The following SULF2 variants were observed in gnomAD, a reference collection of about 807,000 sequenced individuals.
SULF2 encodes the protein extracellular sulfatase Sulf-2.
SULF2 carries 52 observed loss-of-function variants against 107.7 expected under a neutral mutation model. The observed-to-expected ratio is 0.48, with a 90% CI of 0.39 to 0.61. The LOEUF (loss-of-function observed/expected upper bound fraction) is 0.61. Ranked by LOEUF, SULF2 falls within the 20% of genes least tolerant of loss-of-function variation. The pLI is 0.00. For missense variants in SULF2, 993 were observed against 1,177.3 expected (o/e 0.84, Z 2.29); for synonymous variants, 460 against 464.3 (o/e 0.99, Z 0.12).
intron 20 of SULF2, 111 bp from the exon 21 acceptor site, chr20:47,658,503 A>C (rs952841841): frequency 1.5e-5 from 18 of 1,191,540 alleles, no homozygotes; most frequent in Non-Finnish European, 2.3e-5. Context: ...CTGAGAATGA[A>C]TATTTCTAGG....
intron 2 of SULF2, 103 bp from the exon 3 acceptor site, chr20:47,737,045 A>G: frequency 6.5e-7 from 1 of 1,536,396 alleles, no homozygotes; most frequent in Non-Finnish European, 8.8e-7. Flanking sequence ...GAGTGGGCAC[A>G]TTCTGCAGAC....
At chr20:47,737,038 T>G (rs1009860446) in intron 2 of SULF2, 96 bp from the exon 3 acceptor site, 1 of 1,558,588 alleles carries the variant, frequency 6.4e-7, no homozygotes, top group Admixed American at 1.7e-5. Flanking sequence ...AGGTCTGGAG[T>G]GGGCACATTC....
chr20:47,737,608 T>A (rs1200330535), intron 2 of SULF2, among the ~76,000 whole-genome samples: 1 of 151,872 alleles, frequency 6.6e-6, no homozygotes, highest in East Asian at 1.9e-4. Context: ...ATCCAACCCA[T>A]CGGCCTAGTA....
At chr20:47,752,995 G>A (rs147150710) in intron 2 of SULF2, among the ~76,000 whole-genome samples, 3,015 of 151,202 alleles carry the variant, frequency 0.02, 98 homozygotes, top group African/African-American at 0.07. Flanking sequence ...CAGCTACTTG[G>A]GAGGCTGAGG....
chr20:47,763,714 C>T (rs368289553), intron 1 of SULF2, among the ~76,000 whole-genome samples: 3 of 152,308 alleles, frequency 2.0e-5, no homozygotes, highest in South Asian at 2.1e-4. Flanking sequence ...TTTACAAATA[C>T]GTATGAAGGA....
At chr20:47,740,737 T>C (rs1210842127) in intron 2 of SULF2, among the ~76,000 whole-genome samples, 2 of 152,174 alleles carry the variant, frequency 1.3e-5, no homozygotes, top group African/African-American at 2.4e-5. Context: ...TGTGAGGGAA[T>C]GATTAGAATT....
rs1012605857 is a variant in SULF2, at chr20:47,738,590, T to C, written c.176-1648A>G. ...GATCTGATGGGAGACAGTTGAATCA[T>C]GGGGGTTGTTTCCCCCATACTGTTC... On this transcript the variant is annotated intron_variant, in intron 2 of 20. Transcript: ENST00000688720. Among the ~76,000 whole-genome samples the C allele has an allele frequency of 3.9e-5, 6 of 152,318 alleles. No individual in the cohort carries two copies. In the East Asian group the frequency reaches 7.7e-4, roughly 20 times the overall value.
intron 5 of SULF2, among the ~76,000 whole-genome samples, chr20:47,687,425 A>C (rs952108701): frequency 1.3e-5 from 2 of 152,214 alleles, no homozygotes; most frequent in Non-Finnish European, 2.9e-5. Context: ...GGCGTGAAGA[A>C]GACCATCCCC....
At chr20:47,697,019 C>T (rs563089370) in intron 4 of SULF2, among the ~76,000 whole-genome samples, 6 of 152,272 alleles carry the variant, frequency 3.9e-5, no homozygotes, top group African/African-American at 9.6e-5. Flanking sequence ...CGGCAAGGGG[C>T]GGGGCACATG....
intron 19 of SULF2, 21 bp from the exon 20 acceptor site, chr20:47,659,473 G>C: frequency 6.2e-7 from 1 of 1,613,294 alleles, no homozygotes; most frequent in Middle Eastern, 1.7e-4. Flanking sequence ...AAGTGTCAAA[G>C]GAGAATGAAT....
intron 2 of SULF2, among the ~76,000 whole-genome samples, chr20:47,753,115 A>G (rs796918193): frequency 6.7e-6 from 1 of 148,642 alleles, no homozygotes; most frequent in Non-Finnish European, 1.5e-5. Flanking sequence ...AAAAAAAAAA[A>G]AAAAGAAAGA....
chr20:47,741,365 A>C (rs1312801942), intron 2 of SULF2, among the ~76,000 whole-genome samples: 3 of 148,226 alleles, frequency 2.0e-5, no homozygotes, highest in African/African-American at 7.5e-5. Context: ...TGCCTGGAAG[A>C]CCTCTCCCCC....
At chr20:47,772,311 A>G (rs1421509831) in intron 1 of SULF2, among the ~76,000 whole-genome samples, 1 of 152,218 alleles carries the variant, frequency 6.6e-6, no homozygotes, top group Non-Finnish European at 1.5e-5. Context: ...GCCTCTGTCC[A>G]TGAGATGCAA....
chr20:47,690,302 G>T lies in SULF2; in HGVS notation c.568-7C>A, dbSNP rs747288280. On this transcript the variant is annotated splice_polypyrimidine_tract_variant and splice_region_variant and intron_variant, in intron 4 of 20. Transcript: ENST00000688720. ...TGAGGTCTGTGAGGTAATCCTGGGG[G>T]GTGGGGAGAGACAGGAGAACAGGTG... 3 of 1,460,618 alleles carry T rather than the reference G, an allele frequency of 2.1e-6. No individual in the cohort carries two copies. The highest frequency in any genetic ancestry group is 1.5e-5 in the South Asian group (1 of 66,776). The allele number at this position is 1,460,618 out of a possible 1,614,324, so 90.5% of individuals were successfully genotyped here. A position where few individuals can be genotyped will look rare whatever the true frequency, so the allele number is the denominator to read the frequency against.
intron 3 of SULF2, among the ~76,000 whole-genome samples, chr20:47,710,114 C>T (rs936894893): frequency 6.6e-6 from 1 of 152,128 alleles, no homozygotes; most frequent in Non-Finnish European, 1.5e-5. Flanking sequence ...GTTGGCCAGG[C>T]TGGCCTTGAA....
At chr20:47,671,605 T>G (rs1422402431) in intron 11 of SULF2, among the ~76,000 whole-genome samples, 3 of 152,018 alleles carry the variant, frequency 2.0e-5, no homozygotes, top group Non-Finnish European at 1.5e-5. Context: ...CCACAAACAC[T>G]GACTAATTGA....
rs942982308 is a variant in SULF2, at chr20:47,747,887, T to C, written c.175+9302A>G. Among the ~76,000 whole-genome samples, 3 of 151,896 alleles carry C rather than the reference T, an allele frequency of 2.0e-5. No individual in the cohort carries two copies. In the South Asian group the frequency reaches 6.2e-4, roughly 32 times the overall value. Reference sequence around the variant, plus strand: ...TCCATAAAGCAAACCCTGCCGACCTTCCAAGCAGCACCGGAATCCACCCAC... The same window carrying C: ...TCCATAAAGCAAACCCTGCCGACCTCCCAAGCAGCACCGGAATCCACCCAC... On this transcript the variant is annotated intron_variant, in intron 2 of 20. Coordinates refer to ENST00000688720, the MANE Select transcript of SULF2 (RefSeq NM_001387048.1).
At chr20:47,759,563 A>T (rs1225352777) in intron 1 of SULF2, among the ~76,000 whole-genome samples, 1 of 152,182 alleles carries the variant, frequency 6.6e-6, no homozygotes, top group African/African-American at 2.4e-5. Context: ...ATGGTGGCAC[A>T]TGCCTGTAAT....
At position 47,702,640 on chromosome 20, in the gene SULF2, T is replaced by C. The variant is rs1267118412; in HGVS notation, c.446A>G (p.Asn149Ser). The stretch of plus-strand genomic sequence containing the variant: ...CCAGCCGGGTGGCACGTAGGAGCCG[T>C]TGTATTCATTAAGATACTTCCCGAA... ...AFFGKYLNEY[N>S]GSYVPPGWKE... is the part of the protein sequence containing the mutation. The change falls in exon 4 of 21, where the codon AAC becomes AGC. Residue 149 changes from asparagine to serine, a missense_variant. Asn to Ser is a conservative substitution (Grantham distance 46, BLOSUM62 1). Around this residue, in one of 3 missense-constraint regions of SULF2, gnomAD observed 388 missense variants for 449.2 expected, o/e 0.86. Transcript: ENST00000688720. 6.2e-6 allele frequency: 10 copies of C among 1,613,950 alleles called. No individual in the cohort carries two copies. Among genetic ancestry groups the C allele is most frequent in the African/African-American group, 1.3e-5 (1 of 75,032 alleles).
Sources: allele counts gnomAD v4.1 joint callset (sites outside exome capture counted in the v4.1 genomes callset), GRCh38; gene constraint gnomAD v4.1.1; regional missense constraint gnomAD v4.1.1; transcripts MANE v1.5; gene names NCBI Gene and HGNC (gene_info 2026-07-23, HGNC 2026-07-21).